MAMLD1: variants seen among roughly 807,000 people sequenced by gnomAD.
MAMLD1 encodes the protein mastermind like domain containing 1, also known as mastermind-like domain-containing protein 1.
A neutral mutation model predicts 45.0 loss-of-function variants in MAMLD1; 14 were observed. The ratio of observed to expected loss-of-function variants is 0.31; its 90% CI spans 0.21 to 0.49. The LOEUF is 0.49. Among genes scored for constraint, MAMLD1 ranks in the 20% least tolerant of loss-of-function variants. The probability of loss-of-function intolerance (pLI) is 0.99; values close to 1 mark genes in which losing one functional copy is unlikely to be tolerated. For missense variants in MAMLD1, 543 were observed against 603.6 expected (o/e 0.90, Z 1.05); for synonymous variants, 254 against 247.8 (o/e 1.02, Z -0.24).
chrX:150,489,899 C>T (rs1364120198), intron 5 of MAMLD1, among the ~76,000 whole-genome samples: 14 of 110,485 alleles, frequency 1.3e-4, no homozygotes, highest in African/African-American at 4.3e-4. Flanking sequence ...ACAATTGGGG[C>T]GAGAAAGAGG....
chrX:150,486,422 C>T (rs2036989615), intron 5 of MAMLD1, among the ~76,000 whole-genome samples: 2 of 111,862 alleles, frequency 1.8e-5, no homozygotes, highest in African/African-American at 3.3e-5. Context: ...AGCTGTGTCC[C>T]CCGCTAGAAC....
chrX:150,372,538 AG>A (rs2032076079), intron 1 of MAMLD1, among the ~76,000 whole-genome samples: 1 of 112,517 alleles, frequency 8.9e-6, no homozygotes, highest in East Asian at 2.8e-4. Flanking sequence ...AGGAGGGCAC[AG>A]CGTTTCTAAG....
At chrX:150,373,216 T>C (rs1177518006) in intron 1 of MAMLD1, among the ~76,000 whole-genome samples, 1 of 111,223 alleles carries the variant, frequency 9.0e-6, no homozygotes, top group East Asian at 2.8e-4. Context: ...CCTTTGGCAG[T>C]CCCACATATA....
At chrX:150,414,026 T>A (rs2034187246) in intron 1 of MAMLD1, among the ~76,000 whole-genome samples, 5 of 1,415 alleles carry the variant, frequency 3.5e-3, no homozygotes, top group Non-Finnish European at 3.3e-3. Flanking sequence ...CACAGAAAAC[T>A]GCAAAAAAAA....
chrX:150,497,260 TA>T (rs1370887691), intron 5 of MAMLD1, among the ~76,000 whole-genome samples: 1 of 108,319 alleles, frequency 9.2e-6, no homozygotes, highest in East Asian at 2.9e-4. Context: ...ATTTCTTTTT[TA>T]AAAAATTTTT....
At chrX:150,439,984 C>T (rs1457052353) in intron 1 of MAMLD1, among the ~76,000 whole-genome samples, 1 of 111,263 alleles carries the variant, frequency 9.0e-6, no homozygotes, top group Non-Finnish European at 1.9e-5. Flanking sequence ...ATTCTCAAGC[C>T]TATTTCATTG....
At chrX:150,416,662 C>T (rs147028399) in intron 1 of MAMLD1, among the ~76,000 whole-genome samples, 1,637 of 112,462 alleles carry the variant, frequency 0.015, 28 homozygotes, top group African/African-American at 0.049. Flanking sequence ...AAACCAGAGC[C>T]ATTGTTGCCA....
chrX:150,512,178 G>A lies in MAMLD1; in HGVS notation c.*219G>A, dbSNP rs1557409153. 1 of 1,140,939 alleles carries A rather than the reference G, an allele frequency of 8.8e-7. No homozygotes were observed. The highest frequency in any genetic ancestry group is 3.3e-5 in the East Asian group (1 of 30,552). The allele number at this position is 1,140,939 out of a possible 1,213,427, so 94.0% of individuals were successfully genotyped here. ...ATGGGAGTGATCTCACCAACTCTGGGGAAGCGGCAAGGAATTTTCACCTCC... is the reference window on the plus strand; with the variant it reads ...ATGGGAGTGATCTCACCAACTCTGGAGAAGCGGCAAGGAATTTTCACCTCC... On this transcript the variant is annotated 3_prime_UTR_variant, in exon 8 of 8. Transcript: ENST00000370401.
rs782273970 is a variant in MAMLD1, at chrX:150,470,686, G to T, written c.1113G>T (p.Ser371=). 8.3e-7 allele frequency: 1 copy of T among 1,210,111 alleles called. No individual in the cohort carries two copies. The highest frequency in any genetic ancestry group is 1.8e-5 in the South Asian group (1 of 56,801). Residue 371 remains serine (S), a synonymous_variant, in exon 4 of 8, where the codon TCG becomes TCT. Coordinates refer to ENST00000370401, the MANE Select transcript of MAMLD1 (RefSeq NM_005491.5). ...AGAGCCTCATGGTGTCCTGCATGTCGTCCAATACCTTGTCGGGTAGCACTC... is the reference window on the plus strand; with the variant it reads ...AGAGCCTCATGGTGTCCTGCATGTCTTCCAATACCTTGTCGGGTAGCACTC... ...SPQSLMVSCM[S]SNTLSGSTLR...
chrX:150,404,900 C>A (rs911536407), intron 1 of MAMLD1, among the ~76,000 whole-genome samples: 2 of 111,467 alleles, frequency 1.8e-5, no homozygotes, highest in East Asian at 5.6e-4. Context: ...TGAATTATAC[C>A]ACAATTTATT....
At chrX:150,433,922 A>C (rs1408647994) in intron 1 of MAMLD1, among the ~76,000 whole-genome samples, 1 of 112,077 alleles carries the variant, frequency 8.9e-6, no homozygotes, top group Non-Finnish European at 1.9e-5. Context: ...TTGGCCTCAC[A>C]GAATGAGTTA....
chrX:150,368,515 C>A (rs1265231667), intron 1 of MAMLD1, among the ~76,000 whole-genome samples: 1 of 110,272 alleles, frequency 9.1e-6, no homozygotes, highest in Non-Finnish European at 1.9e-5. Context: ...GTAGGTTGCC[C>A]GTTCACTCTG....
chrX:150,427,075 T>C (rs1169877493), intron 1 of MAMLD1, among the ~76,000 whole-genome samples: 1 of 111,260 alleles, frequency 9.0e-6, no homozygotes, highest in African/African-American at 3.3e-5. Flanking sequence ...AATCTTTACA[T>C]AGTGTTCTCT....
intron 2 of MAMLD1, among the ~76,000 whole-genome samples, chrX:150,456,591 T>C (rs1345200958): frequency 9.0e-6 from 1 of 111,605 alleles, no homozygotes; most frequent in Non-Finnish European, 1.9e-5. Flanking sequence ...ATACCCCCCA[T>C]ACAGCCCTAA....
At chrX:150,505,398 A>G (rs1392688986) in intron 6 of MAMLD1, among the ~76,000 whole-genome samples, 1 of 112,241 alleles carries the variant, frequency 8.9e-6, no homozygotes, top group Non-Finnish European at 1.9e-5. Flanking sequence ...ACTTGTGTCC[A>G]TAAGAGTAGA....
At chrX:150,379,085 A>G (rs1320346245) in intron 1 of MAMLD1, among the ~76,000 whole-genome samples, 23 of 111,863 alleles carry the variant, frequency 2.1e-4, no homozygotes, top group African/African-American at 6.2e-4. Flanking sequence ...ATTCCTTTTT[A>G]TTTATTATTT....
rs1225303198 is a variant in MAMLD1 at position 150,489,321 on chromosome X, A to G, written c.2041-13953A>G. On this transcript the variant is annotated intron_variant, in intron 5 of 7. Transcript: ENST00000370401. ...ACACTGGCAGATTCAGTGTCTGGTG[A>G]GAGCTCTCTTCCTGATTAGTAGATG... 3.6e-5 allele frequency among the ~76,000 whole-genome samples: 4 copies of G among 110,580 alleles called. No homozygotes were observed. In the East Asian group the frequency reaches 1.1e-3, roughly 32 times the overall value.
At chrX:150,456,256 C>T (rs2887353) in intron 2 of MAMLD1, among the ~76,000 whole-genome samples, 7,319 of 109,971 alleles carry the variant, frequency 0.067, 242 homozygotes, top group African/African-American at 0.12. Flanking sequence ...GGGCTGAACT[C>T]TGGAGTCCTG....
At chrX:150,473,614 G>A (rs2036494844) in intron 4 of MAMLD1, 66 bp from the exon 5 acceptor site, 9 of 1,138,868 alleles carry the variant, frequency 7.9e-6, no homozygotes, top group South Asian at 1.8e-5. Context: ...ATAGGACACG[G>A]CAGGCCACCT....
Sources: allele counts gnomAD v4.1 joint callset (sites outside exome capture counted in the v4.1 genomes callset), GRCh38; gene constraint gnomAD v4.1.1; transcripts MANE v1.5; gene names NCBI Gene and HGNC (gene_info 2026-07-23, HGNC 2026-07-21).